PRKDC: variants seen among roughly 807,000 people sequenced by gnomAD.
The protein encoded by PRKDC is DNA-dependent protein kinase catalytic subunit.
In PRKDC, 82 loss-of-function variants were observed where a neutral mutation model predicts 486.9. The observed-to-expected ratio is 0.17, with a 90% CI of 0.14 to 0.20. The LOEUF (loss-of-function observed/expected upper bound fraction) is 0.20, where lower values mean the gene tolerates loss of function less well. Ranked by LOEUF, PRKDC falls within the 10% of genes least tolerant of loss-of-function variation. The probability of loss-of-function intolerance (pLI) is 1.00; values close to 1 mark genes in which losing one functional copy is unlikely to be tolerated. For synonymous variants in PRKDC, 1,895 were observed against 1,837.0 expected, an observed-to-expected ratio of 1.03 and a Z score of -0.81; for missense variants, 4,504 against 5,038.2, an observed-to-expected ratio of 0.89 and a Z score of 3.21.
At chr8:47,906,172 T>C (rs2089777664) in intron 25 of PRKDC, among the ~76,000 whole-genome samples, 1 of 152,118 alleles carries the variant, frequency 6.6e-6, no homozygotes, top group Non-Finnish European at 1.5e-5. Context: ...TAGGAAGACC[T>C]TGTCTCTCAA....
At chr8:47,813,469 C>A (rs1219515424) in intron 68 of PRKDC, among the ~76,000 whole-genome samples, 3 of 152,104 alleles carry the variant, frequency 2.0e-5, no homozygotes, top group African/African-American at 7.2e-5. Flanking sequence ...AAATTATATA[C>A]ATTATCAAAA....
chr8:47,885,548 T>C (rs1164323694), intron 36 of PRKDC, among the ~76,000 whole-genome samples: 1 of 152,210 alleles, frequency 6.6e-6, no homozygotes, highest in Non-Finnish European at 1.5e-5. Context: ...AGTCTTGTCA[T>C]ACTTTAATGA....
chr8:47,822,811 G>C (rs1395618845), intron 64 of PRKDC, among the ~76,000 whole-genome samples: 1 of 151,856 alleles, frequency 6.6e-6, no homozygotes, highest in Non-Finnish European at 1.5e-5. Flanking sequence ...AACAAAACCT[G>C]GACTGCTCAT....
chr8:47,906,896 T>C (rs1382069070), intron 25 of PRKDC, among the ~76,000 whole-genome samples: 1 of 151,554 alleles, frequency 6.6e-6, no homozygotes, highest in East Asian at 1.9e-4. Flanking sequence ...TTTCTAGTCT[T>C]TGAAGCTATT....
chr8:47,795,218 G>A (rs1729322011), intron 73 of PRKDC, among the ~76,000 whole-genome samples: 1 of 131,914 alleles, frequency 7.6e-6, no homozygotes, highest in African/African-American at 2.9e-5. Context: ...TTGAGACAGA[G>A]TCTCATTGTC....
intron 58 of PRKDC, among the ~76,000 whole-genome samples, chr8:47,835,620 CAAAAAAAAAAAAAAAA>C (rs71548446): frequency 3.9e-4 from 8 of 20,480 alleles, no homozygotes; most frequent in African/African-American, 1.0e-3. Context: ...GACTCTGTCT[CAAAAAAAAAAAAAAAA>C]AAAAAAAAAA....
intron 5 of PRKDC, 38 bp downstream of exon 5, chr8:47,954,300 G>T: frequency 3.4e-6 from 3 of 879,124 alleles, no homozygotes; most frequent in South Asian, 2.8e-5. Context: ...ATATTAATTT[G>T]CTAAACTATT....
At chr8:47,900,488 A>C (rs1460732461) in intron 27 of PRKDC, 21 bp from the exon 28 acceptor site, 4 of 1,552,840 alleles carry the variant, frequency 2.6e-6, no homozygotes, top group Non-Finnish European at 3.5e-6. Flanking sequence ...AAGAATAGGA[A>C]ACCTCACCTA....
chr8:47,852,929 C>T (rs1373839845), intron 51 of PRKDC, 145 bp from the exon 52 acceptor site: 1 of 634,262 alleles, frequency 1.6e-6, no homozygotes, highest in Non-Finnish European at 2.8e-6. Context: ...ATTCCATGCA[C>T]AAATGCACAC....
intron 74 of PRKDC, among the ~76,000 whole-genome samples, chr8:47,791,609 G>T (rs910596220): frequency 1.3e-5 from 2 of 152,086 alleles, no homozygotes; most frequent in Admixed American, 6.6e-5. Flanking sequence ...CATACAAATG[G>T]TAAACAGGTA....
chr8:47,898,243 T>C (rs1427541626), intron 29 of PRKDC, among the ~76,000 whole-genome samples: 1 of 152,266 alleles, frequency 6.6e-6, no homozygotes, highest in Admixed American at 6.5e-5. Flanking sequence ...TTGTATGTAC[T>C]ATCTCAACCC....
In PRKDC at chr8:47,823,896, T is replaced by C; in HGVS notation, c.8884A>G (p.Arg2962Gly). The C allele has an allele frequency of 6.2e-7, 1 of 1,613,952 alleles. No individual in the cohort carries two copies. Among genetic ancestry groups the C allele is most frequent in the African/African-American group, 1.3e-5 (1 of 75,072 alleles). ...ITQSALLAEA[R>G]SDYSEAAKQY... is the part of the protein sequence containing the mutation. Reference sequence around the variant, plus strand: ...TTAGCAGCTTCAGAATAATCACTTCTGGCTTCTGCTAATAATGCACTCTGA... The same window carrying C: ...TTAGCAGCTTCAGAATAATCACTTCCGGCTTCTGCTAATAATGCACTCTGA... Residue 2962 changes from arginine to glycine, a missense_variant, in exon 64 of 86, where the codon AGA becomes GGA. Physicochemically the swap from Arg to Gly is moderately radical, Grantham distance 125 (BLOSUM62 -2). Coordinates refer to ENST00000314191, the MANE Select transcript of PRKDC (RefSeq NM_006904.7).
In PRKDC at chr8:47,824,010, C is replaced by CA. The variant is rs2087668968; in HGVS notation, c.8784-15dup. 6.4e-7 allele frequency: 1 copy of CA among 1,554,790 alleles called. No individual in the cohort carries two copies. The highest frequency in any genetic ancestry group is 8.7e-7 in the Non-Finnish European group (1 of 1,146,278). The stretch of plus-strand genomic sequence containing the variant: ...GATCTATACAGCCTACAAAACAAAT[C>CA]AAAAAGGCCAAATCAATGAACACTC... On this transcript the variant is annotated splice_polypyrimidine_tract_variant and intron_variant, in intron 63 of 85. Transcript: ENST00000314191.
At chr8:47,950,340 G>C (rs2090606538) in intron 7 of PRKDC, among the ~76,000 whole-genome samples, 1 of 151,320 alleles carries the variant, frequency 6.6e-6, no homozygotes, top group South Asian at 2.1e-4. Context: ...ATTATTTTAG[G>C]ATCGGCCAGG....
rs8178181 is a variant in PRKDC at position 47,831,639 on chromosome 8, C to T, written c.8265+175G>A. 5.6e-3 allele frequency among the ~76,000 whole-genome samples: 851 copies of T among 152,268 alleles called. 8 individuals are homozygous for T. The highest frequency in any genetic ancestry group is 8.7e-3 in the Non-Finnish European group (590 of 68,006). On this transcript the variant is annotated intron_variant, in intron 60 of 85. Transcript: ENST00000314191. ...GCGCACTCCTGGACCCCCACCAGAG[C>T]GCCATGAGGGCTGCATCCCTGTGGG...
intron 10 of PRKDC, 90 bp from the exon 11 acceptor site, chr8:47,939,787 A>T (rs2090412733): frequency 9.0e-7 from 1 of 1,107,582 alleles, no homozygotes; most frequent in Non-Finnish European, 1.3e-6. Flanking sequence ...TTTAGATGCT[A>T]CTAATGTACT....
intron 51 of PRKDC, 50 bp downstream of exon 51, chr8:47,854,033 A>G (rs879317747): frequency 6.2e-7 from 1 of 1,602,170 alleles, no homozygotes; most frequent in Non-Finnish European, 8.5e-7. Context: ...GAAGTCTGTC[A>G]ATCCAGTTTG....
intron 65 of PRKDC, among the ~76,000 whole-genome samples, chr8:47,821,245 G>A (rs1302773740): frequency 1.3e-5 from 2 of 152,220 alleles, no homozygotes; most frequent in Non-Finnish European, 2.9e-5. Flanking sequence ...GTCAGGATAG[G>A]TATGGTGTGG....
intron 73 of PRKDC, among the ~76,000 whole-genome samples, chr8:47,797,433 A>C (rs1223235367): frequency 6.6e-6 from 1 of 152,204 alleles, no homozygotes; most frequent in Non-Finnish European, 1.5e-5. Context: ...AAAAAGGTGG[A>C]AGGAGTGGTT....
Sources: gnomAD v4.1 joint callset for allele counts (sites outside exome capture counted in the v4.1 genomes callset) on GRCh38, gnomAD v4.1.1 for gene constraint, MANE v1.5 for transcripts, NCBI Gene and HGNC (gene_info 2026-07-23, HGNC 2026-07-21) for gene names.